CA10: variants seen among roughly 807,000 people sequenced by gnomAD.
CA10 encodes the protein carbonic anhydrase-related protein 10.
In CA10, 14 loss-of-function variants were observed where a neutral mutation model predicts 44.2. The observed-to-expected ratio is 0.32, with a 90% CI of 0.21 to 0.50. The LOEUF is 0.50. CA10 is among the 20% of genes least tolerant of loss of function. The probability of loss-of-function intolerance (pLI) is 0.99; values close to 1 mark genes in which losing one functional copy is unlikely to be tolerated. For synonymous variants in CA10, 159 were observed against 141.6 expected (o/e 1.12, Z -0.87); for missense variants, 350 against 409.7 (o/e 0.85, Z 1.26).
At chr17:52,151,741 A>G (rs1285120316) in intron 1 of CA10, among the ~76,000 whole-genome samples, 2 of 152,168 alleles carry the variant, frequency 1.3e-5, no homozygotes, top group Non-Finnish European at 2.9e-5. Flanking sequence ...CAATTTACTG[A>G]ATGATTAATA....
chr17:51,842,356 G>A (rs562630873), intron 3 of CA10, among the ~76,000 whole-genome samples: 5 of 152,308 alleles, frequency 3.3e-5, no homozygotes, highest in African/African-American at 1.2e-4. Flanking sequence ...TGGATGGCGT[G>A]ACACAATTAT....
intron 3 of CA10, among the ~76,000 whole-genome samples, chr17:51,800,866 G>T (rs1906900161): frequency 6.6e-6 from 1 of 152,058 alleles, no homozygotes; most frequent in Admixed American, 6.6e-5. Context: ...AATGGATTTT[G>T]GGGGTATCCA....
chr17:52,035,127 C>A (rs1299790085), intron 2 of CA10, among the ~76,000 whole-genome samples: 3 of 152,160 alleles, frequency 2.0e-5, no homozygotes, highest in Non-Finnish European at 4.4e-5. Flanking sequence ...GTGAGAAATT[C>A]TATCGCTGTT....
chr17:51,668,706 G>T (rs1033005236), intron 4 of CA10, among the ~76,000 whole-genome samples: 2 of 152,168 alleles, frequency 1.3e-5, no homozygotes, highest in African/African-American at 4.8e-5. Flanking sequence ...CTGCTGCACT[G>T]TGGGAGCCCC....
intron 3 of CA10, among the ~76,000 whole-genome samples, chr17:51,776,158 G>A (rs1905810861): frequency 6.6e-6 from 1 of 152,150 alleles, no homozygotes; most frequent in African/African-American, 2.4e-5. Flanking sequence ...TCAGGAGTTT[G>A]ATACCAGCCT....
At chr17:52,145,285 C>G (rs1462636988) in intron 1 of CA10, among the ~76,000 whole-genome samples, 2 of 152,128 alleles carry the variant, frequency 1.3e-5, no homozygotes, top group Non-Finnish European at 2.9e-5. Context: ...GGAAGTTTAG[C>G]ATGAACAGCA....
chr17:51,838,850 T>A (rs1381258180), intron 3 of CA10, among the ~76,000 whole-genome samples: 1 of 152,202 alleles, frequency 6.6e-6, no homozygotes, highest in African/African-American at 2.4e-5. Flanking sequence ...ACTTCTCCTA[T>A]CAAAGATTGA....
At chr17:51,674,681 C>A (rs190710382) in intron 4 of CA10, among the ~76,000 whole-genome samples, 18 of 152,306 alleles carry the variant, frequency 1.2e-4, no homozygotes, top group African/African-American at 3.8e-4. Flanking sequence ...GTGTGCTCTT[C>A]CGCTGCTGGT....
chr17:51,643,738 A>G (rs145967120), intron 6 of CA10, among the ~76,000 whole-genome samples: 1 of 152,326 alleles, frequency 6.6e-6, no homozygotes, highest in African/African-American at 2.4e-5. Context: ...GCATCATAGC[A>G]ACCTGCCTCC....
chr17:51,667,993 C>A (rs908562150), intron 4 of CA10, among the ~76,000 whole-genome samples: 7 of 152,210 alleles, frequency 4.6e-5, no homozygotes, highest in African/African-American at 1.7e-4. Flanking sequence ...CTCTCTGGGG[C>A]AGATTCCATT....
chr17:51,874,818 T>G (rs780894583), intron 3 of CA10, among the ~76,000 whole-genome samples: 1 of 152,064 alleles, frequency 6.6e-6, no homozygotes, highest in African/African-American at 2.4e-5. Flanking sequence ...TCATATAGAG[T>G]GTCTGTTTTA....
intron 2 of CA10, among the ~76,000 whole-genome samples, chr17:51,996,678 T>C (rs1985248534): frequency 6.6e-6 from 1 of 152,070 alleles, no homozygotes; most frequent in African/African-American, 2.4e-5. Context: ...GGTAAGAATT[T>C]CTTCCTGACT....
At chr17:51,965,039 G>A (rs1010581891) in intron 2 of CA10, among the ~76,000 whole-genome samples, 1 of 151,688 alleles carries the variant, frequency 6.6e-6, no homozygotes, top group Non-Finnish European at 1.5e-5. Flanking sequence ...GTCCAGATAA[G>A]CACAATCAGA....
At chr17:51,863,158 G>T (rs1474566079) in intron 3 of CA10, among the ~76,000 whole-genome samples, 1 of 152,172 alleles carries the variant, frequency 6.6e-6, no homozygotes, top group African/African-American at 2.4e-5. Context: ...TCAACAAACA[G>T]TAAGCATGTT....
chr17:51,950,411 G>A (rs905472761), intron 2 of CA10, among the ~76,000 whole-genome samples: 1 of 152,082 alleles, frequency 6.6e-6, no homozygotes, highest in African/African-American at 2.4e-5. Context: ...GCTTCTCTTT[G>A]GGTTTGGCCA....
chr17:51,845,916 A>C (rs1210064866), intron 3 of CA10, among the ~76,000 whole-genome samples: 1 of 152,246 alleles, frequency 6.6e-6, no homozygotes, highest in Non-Finnish European at 1.5e-5. Context: ...GCTCATGGAC[A>C]TGAATGCTAA....
At chr17:52,092,983 G>T (rs1477483730) in intron 1 of CA10, among the ~76,000 whole-genome samples, 1 of 152,060 alleles carries the variant, frequency 6.6e-6, no homozygotes, top group Non-Finnish European at 1.5e-5. Flanking sequence ...CGTATAGTAG[G>T]TCCTTCAATA....
chr17:52,113,362 C>T (rs113714982), intron 1 of CA10, among the ~76,000 whole-genome samples: 83 of 152,096 alleles, frequency 5.5e-4, no homozygotes, highest in Non-Finnish European at 9.9e-4. Flanking sequence ...CTTTTCCTTA[C>T]GGCCAGGTTA....
intron 1 of CA10, among the ~76,000 whole-genome samples, chr17:52,109,483 G>T (rs1291451675): frequency 6.6e-6 from 1 of 152,204 alleles, no homozygotes; most frequent in Admixed American, 6.5e-5. Flanking sequence ...CCAGAACAAG[G>T]CACTGTGTGG....
Sources: gnomAD v4.1 joint callset for allele counts (sites outside exome capture counted in the v4.1 genomes callset) on GRCh38, gnomAD v4.1.1 for gene constraint, MANE v1.5 for transcripts, NCBI Gene and HGNC (gene_info 2026-07-23, HGNC 2026-07-21) for gene names.